PIP4K2A: variants seen among roughly 807,000 people sequenced by gnomAD.
PIP4K2A encodes the protein phosphatidylinositol 5-phosphate 4-kinase type-2 alpha.
In PIP4K2A, 14 loss-of-function variants were observed where a neutral mutation model predicts 42.9. That is an observed-to-expected ratio of 0.33 (90% confidence interval 0.22 to 0.51). The LOEUF (loss-of-function observed/expected upper bound fraction) is 0.51, where lower values mean the gene tolerates loss of function less well. Among genes scored for constraint, PIP4K2A ranks in the 20% least tolerant of loss-of-function variants. PIP4K2A has a pLI of 0.97. For synonymous variants in PIP4K2A, 192 were observed against 192.2 expected, an observed-to-expected ratio of 1.00 and a Z score of 0.01; for missense variants, 434 against 519.8, an observed-to-expected ratio of 0.83 and a Z score of 1.61.
chr10:22,639,028 C>A (rs112195776), intron 1 of PIP4K2A, among the ~76,000 whole-genome samples: 2 of 152,240 alleles, frequency 1.3e-5, no homozygotes, highest in South Asian at 2.1e-4. Context: ...CTAGCCCATA[C>A]CTTCAACTAA....
chr10:22,554,659 C>T lies in PIP4K2A; in HGVS notation c.679-3887G>A, dbSNP rs116211872. Among the ~76,000 whole-genome samples, 688 of 152,358 alleles carry T rather than the reference C, an allele frequency of 4.5e-3. 7 individuals carry two copies. The highest frequency in any genetic ancestry group is 0.015 in the African/African-American group (613 of 41,588). ...GTCAGCAACCTTTCTGAAGTGGCGGCGGGCCGAGTCTTTATTTGCGCTGAA... is the reference window on the plus strand; with the variant it reads ...GTCAGCAACCTTTCTGAAGTGGCGGTGGGCCGAGTCTTTATTTGCGCTGAA... On this transcript the variant is annotated intron_variant, in intron 6 of 9. Transcript: ENST00000376573.
At chr10:22,705,737 G>C (rs1257462316) in intron 1 of PIP4K2A, among the ~76,000 whole-genome samples, 1 of 152,000 alleles carries the variant, frequency 6.6e-6, no homozygotes, top group Non-Finnish European at 1.5e-5. Context: ...TTCTGCCACT[G>C]TGGCCACACC....
At chr10:22,553,789 CTTTTTTTTTTTTT>C (rs3074629) in intron 6 of PIP4K2A, among the ~76,000 whole-genome samples, 1 of 118,520 alleles carries the variant, frequency 8.4e-6, no homozygotes, top group Non-Finnish European at 1.7e-5. Flanking sequence ...GGTTGAAAAA[CTTTTTTTTTTTTT>C]TTTTTTTTTT....
At chr10:22,644,082 A>C (rs771290265) in intron 1 of PIP4K2A, among the ~76,000 whole-genome samples, 48 of 152,030 alleles carry the variant, frequency 3.2e-4, no homozygotes, top group Admixed American at 5.9e-4. Context: ...AAACTAAACA[A>C]CACGTAAATA....
At chr10:22,559,781 G>A (rs940127181) in intron 6 of PIP4K2A, among the ~76,000 whole-genome samples, 4 of 152,286 alleles carry the variant, frequency 2.6e-5, no homozygotes, top group African/African-American at 9.6e-5. Context: ...GAAGGTCCAG[G>A]AAAGCTTCAT....
rs551590047 is a variant in PIP4K2A, at chr10:22,642,837, G to T, written c.145-33120C>A. On this transcript the variant is annotated intron_variant, in intron 1 of 9. Coordinates refer to ENST00000376573, the MANE Select transcript of PIP4K2A (RefSeq NM_005028.5). Reference sequence around the variant, plus strand: ...TCATTCTAACCTCCAACAATCTTCAGACCTTCCTAGATAGTAATTCATGTA... The same window carrying T: ...TCATTCTAACCTCCAACAATCTTCATACCTTCCTAGATAGTAATTCATGTA... Among the ~76,000 whole-genome samples, 14 of 152,128 alleles carry T rather than the reference G, an allele frequency of 9.2e-5. No individual in the cohort carries two copies. In the East Asian group the frequency reaches 2.3e-3, roughly 25 times the overall value.
At chr10:22,604,845 G>T (rs1837872456) in intron 3 of PIP4K2A, among the ~76,000 whole-genome samples, 1 of 152,196 alleles carries the variant, frequency 6.6e-6, no homozygotes, top group African/African-American at 2.4e-5. Context: ...CTTGAACTGG[G>T]CATGAGGATT....
At position 22,541,979 on chromosome 10, in the gene PIP4K2A, T is replaced by C; in HGVS notation, c.861A>G (p.Glu287=). ...TCTCCTCACACTCCACTTCCTCCTG[T>C]TCGGCTCTCTCCACATCATGAATTC... ...LVGIHDVERA[E]QEEVECEEND... is the part of the protein sequence containing the mutation. Residue 287 remains glutamate, a synonymous_variant, in exon 8 of 10, where the codon GAA becomes GAG. Transcript: ENST00000376573. 1.9e-6 allele frequency: 3 copies of C among 1,614,108 alleles called. No individual in the cohort carries two copies. The highest frequency in any genetic ancestry group is 2.5e-6 in the Non-Finnish European group (3 of 1,179,980).
chr10:22,685,979 C>T (rs1025214056), intron 1 of PIP4K2A, among the ~76,000 whole-genome samples: 1 of 152,192 alleles, frequency 6.6e-6, no homozygotes, highest in Non-Finnish European at 1.5e-5. Flanking sequence ...TTCAATGCCA[C>T]GCCATCCTCT....
intron 1 of PIP4K2A, among the ~76,000 whole-genome samples, chr10:22,681,997 A>T (rs78580462): frequency 3.5e-4 from 52 of 146,558 alleles, no homozygotes; most frequent in African/African-American, 1.2e-3. Context: ...TTAGAAAACC[A>T]TTTTTTTTTT....
intron 1 of PIP4K2A, 36 bp downstream of exon 1, chr10:22,714,147 G>A (rs1207227493): frequency 5.1e-6 from 8 of 1,578,812 alleles, no homozygotes; most frequent in Non-Finnish European, 6.9e-6. Context: ...AGAGGAGGAG[G>A]AGGAAGGGGA....
intron 1 of PIP4K2A, among the ~76,000 whole-genome samples, chr10:22,612,319 A>G (rs537717101): frequency 2.5e-4 from 38 of 152,296 alleles, no homozygotes; most frequent in African/African-American, 8.9e-4. Flanking sequence ...GAGAAGCACA[A>G]TGGGCTACGA....
intron 1 of PIP4K2A, among the ~76,000 whole-genome samples, chr10:22,619,637 A>G (rs1006863244): frequency 2.0e-5 from 3 of 151,938 alleles, no homozygotes; most frequent in African/African-American, 4.8e-5. Context: ...GGGTTTCACC[A>G]TGTTAGCCAG....
intron 1 of PIP4K2A, among the ~76,000 whole-genome samples, chr10:22,690,033 T>C (rs1034977448): frequency 6.6e-6 from 1 of 152,234 alleles, no homozygotes; most frequent in African/African-American, 2.4e-5. Flanking sequence ...CATTTTATTA[T>C]AATTAAGTAT....
At chr10:22,649,857 A>G (rs905363265) in intron 1 of PIP4K2A, among the ~76,000 whole-genome samples, 2 of 152,150 alleles carry the variant, frequency 1.3e-5, no homozygotes, top group Non-Finnish European at 2.9e-5. Flanking sequence ...TCAGCAAACG[A>G]TATCAGCCCT....
rs1564460102 is a variant in PIP4K2A, at chr10:22,664,142, CATATATATACACAT to C, written c.144+50027_144+50040del. Among the ~76,000 whole-genome samples, 120 of 27,920 alleles carry C rather than the reference CATATATATACACAT, an allele frequency of 4.3e-3. 3 individuals are homozygous for C. The highest frequency in any genetic ancestry group is 0.035 in the African/African-American group (103 of 2,928). 18.3% of individuals were successfully genotyped at this position (27,920 alleles called of 152,430 possible). On this transcript the variant is annotated intron_variant, in intron 1 of 9. Transcript: ENST00000376573. The stretch of plus-strand genomic sequence containing the variant: ...ATATATATATATACATATATATATA[CATATATATACACAT>C]ATATATATATACATATATATATATA...
At chr10:22,551,896 A>G (rs1417935474) in intron 6 of PIP4K2A, among the ~76,000 whole-genome samples, 1 of 152,216 alleles carries the variant, frequency 6.6e-6, no homozygotes, top group African/African-American at 2.4e-5. Flanking sequence ...CACATGCTCG[A>G]ACTGTTCACT....
Position 22,714,202 on chromosome 10 carries a change from A to G in PIP4K2A, c.125T>C (p.Met42Thr). ...RASDPLLSVL[M>T]WGVNHSINEL... ...CCTTACCGAGTGGTTTACCCCCCACATGAGGACGCTGAGCAGCGGGTCGCT... is the reference window on the plus strand; with the variant it reads ...CCTTACCGAGTGGTTTACCCCCCACGTGAGGACGCTGAGCAGCGGGTCGCT... The change falls in exon 1 of 10, where the codon ATG (methionine) becomes ACG (threonine). Residue 42 changes from methionine to threonine, a missense_variant. Physicochemically the swap from Met to Thr is moderately conservative, Grantham distance 81 (BLOSUM62 -1). This residue lies in a region of PIP4K2A where 395 missense variants were observed against 444.5 expected (regional missense o/e 0.89). Coordinates refer to ENST00000376573, the MANE Select transcript of PIP4K2A (RefSeq NM_005028.5). The G allele has an allele frequency of 6.2e-7, 1 of 1,611,032 alleles. No individual in the cohort carries two copies. Among genetic ancestry groups the G allele is most frequent in the Non-Finnish European group, 8.5e-7 (1 of 1,178,364 alleles).
chr10:22,649,190 C>T (rs893866131), intron 1 of PIP4K2A, among the ~76,000 whole-genome samples: 4 of 152,156 alleles, frequency 2.6e-5, no homozygotes, highest in Non-Finnish European at 4.4e-5. Context: ...TCTAAATGTT[C>T]CATCATACAT....
Sources: gnomAD v4.1 joint callset for allele counts (sites outside exome capture counted in the v4.1 genomes callset) on GRCh38, gnomAD v4.1.1 for gene constraint, gnomAD v4.1.1 regional missense constraint, MANE v1.5 for transcripts, NCBI Gene and HGNC (gene_info 2026-07-23, HGNC 2026-07-21) for gene names.